The following PTPRD variants were observed in gnomAD, a reference collection of about 807,000 sequenced individuals.
The protein encoded by PTPRD is protein tyrosine phosphatase receptor type D, also known as receptor-type tyrosine-protein phosphatase delta.
Under a neutral mutation model 214.5 loss-of-function variants are expected in PTPRD, and 34 were observed. The ratio of observed to expected loss-of-function variants is 0.16; its 90% CI spans 0.12 to 0.21. PTPRD has a LOEUF of 0.21. Among genes scored for constraint, PTPRD ranks in the 10% least tolerant of loss-of-function variants. PTPRD has a pLI of 1.00. For synonymous variants in PTPRD, 1,128 were observed against 845.7 expected, an observed-to-expected ratio of 1.33 and a Z score of -5.79; for missense variants, 2,545 against 2,398.7, an observed-to-expected ratio of 1.06 and a Z score of -1.27.
chr9:10,007,457 C>A (rs1051772725), intron 4 of PTPRD, among the ~76,000 whole-genome samples: 1 of 151,862 alleles, frequency 6.6e-6, no homozygotes, highest in African/African-American at 2.4e-5. Context: ...TACGAAGAGG[C>A]GTTCTGAATT....
intron 10 of PTPRD, among the ~76,000 whole-genome samples, chr9:9,056,275 T>A (rs1006320819): frequency 6.6e-6 from 1 of 152,154 alleles, no homozygotes; most frequent in Non-Finnish European, 1.5e-5. Context: ...TTATGGATGA[T>A]CAGAAACATC....
intron 2 of PTPRD, among the ~76,000 whole-genome samples, chr9:10,377,998 G>C (rs933226212): frequency 6.6e-6 from 1 of 151,990 alleles, no homozygotes; most frequent in African/African-American, 2.4e-5. Context: ...GTTCTCCATA[G>C]TGGTCGTATT....
At chr9:9,731,039 C>T (rs769671160) in intron 7 of PTPRD, among the ~76,000 whole-genome samples, 4 of 151,992 alleles carry the variant, frequency 2.6e-5, no homozygotes, top group East Asian at 1.9e-4. Context: ...TTCAGTGATT[C>T]GTAAACATTA....
intron 3 of PTPRD, among the ~76,000 whole-genome samples, chr9:10,209,915 T>A (rs1460714630): frequency 6.6e-6 from 1 of 152,158 alleles, no homozygotes; most frequent in Non-Finnish European, 1.5e-5. Context: ...TTTGTTTTGA[T>A]TAGGACAAAT....
At chr9:8,959,609 T>C (rs1248867954) in intron 11 of PTPRD, among the ~76,000 whole-genome samples, 1 of 151,974 alleles carries the variant, frequency 6.6e-6, no homozygotes, top group African/African-American at 2.4e-5. Context: ...ATTAACATGA[T>C]TTTAACCATT....
intron 2 of PTPRD, among the ~76,000 whole-genome samples, chr9:10,475,090 C>A (rs923590606): frequency 1.3e-5 from 2 of 151,938 alleles, no homozygotes; most frequent in Admixed American, 1.3e-4. Flanking sequence ...GAAGCAAGAG[C>A]AAACCAATTC....
At chr9:9,775,954 CAAA>C (rs59412193) in intron 5 of PTPRD, among the ~76,000 whole-genome samples, 4 of 28,924 alleles carry the variant, frequency 1.4e-4, no homozygotes, top group African/African-American at 4.3e-4. Context: ...GACTCTGTCT[CAAA>C]AAAAAAAAAA....
chr9:8,645,388 C>A (rs1335455119), intron 12 of PTPRD, among the ~76,000 whole-genome samples: 1 of 152,182 alleles, frequency 6.6e-6, no homozygotes, highest in African/African-American at 2.4e-5. Flanking sequence ...ATTCCATTTG[C>A]TCATGATTTA....
intron 11 of PTPRD, among the ~76,000 whole-genome samples, chr9:8,779,880 G>A (rs2095627875): frequency 6.9e-6 from 1 of 145,968 alleles, no homozygotes; most frequent in South Asian, 2.3e-4. Flanking sequence ...AACAAGAGAT[G>A]TCATTTATCT....
intron 3 of PTPRD, among the ~76,000 whole-genome samples, chr9:10,235,730 T>C (rs529773732): frequency 8.5e-5 from 13 of 152,168 alleles, no homozygotes; most frequent in African/African-American, 2.9e-4. Flanking sequence ...TTATAGATTA[T>C]GTAAGAAAAC....
In PTPRD at chr9:9,893,434, A is replaced by G. The variant is rs574832038; in HGVS notation, c.-368+45073T>C. On this transcript the variant is annotated intron_variant, in intron 5 of 45. Coordinates refer to ENST00000381196, the MANE Select transcript of PTPRD (RefSeq NM_002839.4). ...ACTCAAAATAATGAGATGGAGGAAC[A>G]TTTACCAAGCAAATAGAAAACAACA... 1.4e-3 allele frequency among the ~76,000 whole-genome samples: 210 copies of G among 152,232 alleles called. 1 individual carries two copies. The highest frequency in any genetic ancestry group is 4.9e-3 in the African/African-American group (203 of 41,572).
At chr9:9,345,696 A>G (rs1264767313) in intron 9 of PTPRD, among the ~76,000 whole-genome samples, 1 of 152,156 alleles carries the variant, frequency 6.6e-6, no homozygotes, top group East Asian at 1.9e-4. Flanking sequence ...AATCCTGATC[A>G]TAATGGCTTC....
At chr9:9,882,733 CT>C (rs147078914) in intron 5 of PTPRD, among the ~76,000 whole-genome samples, 2,678 of 152,152 alleles carry the variant, frequency 0.018, 77 homozygotes, top group African/African-American at 0.061. Flanking sequence ...CCCAACCCCC[CT>C]ATACACCCCC....
chr9:10,027,470 T>C (rs763037185), intron 4 of PTPRD, among the ~76,000 whole-genome samples: 22 of 152,164 alleles, frequency 1.4e-4, no homozygotes, highest in Non-Finnish European at 2.8e-4. Context: ...GTCTGCTAAG[T>C]TTCTGTACAA....
chr9:8,506,454 C>T (rs909889125), intron 22 of PTPRD, among the ~76,000 whole-genome samples: 3 of 152,304 alleles, frequency 2.0e-5, no homozygotes, highest in South Asian at 2.1e-4. Flanking sequence ...TGTATTCAAA[C>T]TGCACTCAAG....
chr9:9,983,347 C>T (rs2095607098), intron 4 of PTPRD, among the ~76,000 whole-genome samples: 1 of 152,104 alleles, frequency 6.6e-6, no homozygotes, highest in African/African-American at 2.4e-5. Context: ...TGCTGCCTTT[C>T]CAAAGAATCT....
intron 27 of PTPRD, among the ~76,000 whole-genome samples, chr9:8,491,694 C>A (rs1362838104): frequency 1.3e-5 from 2 of 150,234 alleles, no homozygotes; most frequent in Non-Finnish European, 2.9e-5. Context: ...GAAGACTCAG[C>A]CTTGAAGGAG....
Position 8,317,633 on chromosome 9 carries a change from A to G in PTPRD, c.*241T>C. 1 of 365,290 alleles carries G rather than the reference A, an allele frequency of 2.7e-6. No individual in the cohort carries two copies. The highest frequency in any genetic ancestry group is 5.4e-5 in the South Asian group (1 of 18,648). The allele number at this position is 365,290 out of a possible 1,614,324, so 22.6% of individuals were successfully genotyped here. Reference sequence around the variant, plus strand: ...AATCCTTGAGGTATCTGTAAATAAAATCCTTCAGATGCCTCATCAGTCAGG... The same window carrying G: ...AATCCTTGAGGTATCTGTAAATAAAGTCCTTCAGATGCCTCATCAGTCAGG... On this transcript the variant is annotated 3_prime_UTR_variant, in exon 46 of 46. Coordinates refer to ENST00000381196, the MANE Select transcript of PTPRD (RefSeq NM_002839.4).
intron 7 of PTPRD, among the ~76,000 whole-genome samples, chr9:9,654,943 T>C (rs948702716): frequency 2.6e-5 from 4 of 152,118 alleles, no homozygotes; most frequent in Non-Finnish European, 5.9e-5. Flanking sequence ...AATATGTGTA[T>C]GCTATACTGA....
Sources: gnomAD v4.1 joint callset for allele counts (sites outside exome capture counted in the v4.1 genomes callset) on GRCh38, gnomAD v4.1.1 for gene constraint, MANE v1.5 for transcripts, NCBI Gene and HGNC (gene_info 2026-07-23, HGNC 2026-07-21) for gene names.